Variants in P3H2 observed in about 807,000 individuals in gnomAD.
P3H2 encodes leprecan-like 1.
A neutral mutation model predicts 87.0 loss-of-function variants in P3H2; 80 were observed. The observed-to-expected ratio is 0.92, with a 90% confidence interval of 0.77 to 1.11. The LOEUF is 1.11. Ranked by LOEUF, P3H2 falls within the 50% of genes least tolerant of loss-of-function variation. P3H2 has a pLI of 0.00. For missense variants in P3H2, 1,001 were observed against 923.9 expected, an observed-to-expected ratio of 1.08 and a Z score of -1.08; for synonymous variants, 367 against 359.3, an observed-to-expected ratio of 1.02 and a Z score of -0.24.
At chr3:189,960,085 C>T (rs1271577859) in intron 14 of P3H2, among the ~76,000 whole-genome samples, 2 of 152,168 alleles carry the variant, frequency 1.3e-5, no homozygotes, top group Non-Finnish European at 2.9e-5. Context: ...TGACTCCAAA[C>T]ATCTTATTGT....
chr3:189,964,524 G>A (rs934317443), intron 13 of P3H2, among the ~76,000 whole-genome samples: 2 of 152,234 alleles, frequency 1.3e-5, no homozygotes, highest in African/African-American at 4.8e-5. Context: ...TGCAGTGCTG[G>A]AAAAGTTGTT....
chr3:190,066,158 T>TATATACACACACAC (rs1256956930), intron 1 of P3H2, among the ~76,000 whole-genome samples: 30 of 134,590 alleles, frequency 2.2e-4, no homozygotes, highest in African/African-American at 9.3e-4. Flanking sequence ...TATATATATA[T>TATATACACACACAC]ACACACACAC....
chr3:190,007,136 T>C (rs1406652911), intron 1 of P3H2, among the ~76,000 whole-genome samples: 1 of 152,204 alleles, frequency 6.6e-6, no homozygotes, highest in Non-Finnish European at 1.5e-5. Context: ...TGGAGGCCTA[T>C]GATAAACTTT....
chr3:190,085,408 A>G (rs1473497695), intron 1 of P3H2, among the ~76,000 whole-genome samples: 2 of 152,244 alleles, frequency 1.3e-5, no homozygotes, highest in Non-Finnish European at 2.9e-5. Flanking sequence ...GATTAAATAT[A>G]TAAACTTCTG....
Position 190,017,308 on chromosome 3 carries a change from G to A in P3H2, c.481-21866C>T, listed in dbSNP as rs1724786856. Among the ~76,000 whole-genome samples the A allele has an allele frequency of 2.0e-5, 3 of 152,130 alleles. No individual in the cohort carries two copies. The East Asian group carries it at 5.8e-4, about 29-fold the overall frequency. On this transcript the variant is annotated intron_variant, in intron 1 of 14. Transcript: ENST00000319332. The stretch of plus-strand genomic sequence containing the variant: ...ATTCTATTTAGTAATATAAATTTAA[G>A]CCACCTCAGCTGCTCTCTCAGGGAA...
At chr3:190,080,406 C>G (rs1231517666) in intron 1 of P3H2, among the ~76,000 whole-genome samples, 1 of 151,490 alleles carries the variant, frequency 6.6e-6, no homozygotes, top group Admixed American at 6.6e-5. Context: ...TTTTCTTTTC[C>G]TTTTTTTTGA....
chr3:190,030,018 A>G lies in P3H2; in HGVS notation c.481-34576T>C, dbSNP rs1725204669. Among the ~76,000 whole-genome samples, 8 of 152,066 alleles carry G rather than the reference A, an allele frequency of 5.3e-5. No individual in the cohort carries two copies. The South Asian group carries it at 1.7e-3, about 32-fold the overall frequency. On this transcript the variant is annotated intron_variant, in intron 1 of 14. Transcript: ENST00000319332. ...ACTCCGTCTCAAAAAAAAAAAGAAA[A>G]AAAAAGAAAAAAAGATAATGTGCTG...
intron 1 of P3H2, among the ~76,000 whole-genome samples, chr3:190,092,460 C>A (rs1251304290): frequency 6.6e-6 from 1 of 152,136 alleles, no homozygotes; most frequent in Non-Finnish European, 1.5e-5. Context: ...GTGCTTAAGG[C>A]AAGGAACGAA....
intron 14 of P3H2, among the ~76,000 whole-genome samples, chr3:189,958,570 G>C (rs1050175969): frequency 2.6e-5 from 4 of 151,910 alleles, no homozygotes; most frequent in Non-Finnish European, 5.9e-5. Context: ...GGAGGGTGGT[G>C]CTGCCCTGTG....
chr3:190,016,060 T>C lies in P3H2; in HGVS notation c.481-20618A>G, dbSNP rs138090044. On this transcript the variant is annotated intron_variant, in intron 1 of 14. Coordinates refer to ENST00000319332, the MANE Select transcript of P3H2 (RefSeq NM_018192.4). Reference sequence around the variant, plus strand: ...TAAATGTCCTTGCTCTTTAGCTTGCTGTTTTGCCTCTTTATTATCTGTGGC... The same window carrying C: ...TAAATGTCCTTGCTCTTTAGCTTGCCGTTTTGCCTCTTTATTATCTGTGGC... 2.6e-3 allele frequency among the ~76,000 whole-genome samples: 396 copies of C among 152,354 alleles called. 2 individuals carry two copies. The highest frequency in any genetic ancestry group is 8.8e-3 in the African/African-American group (367 of 41,584).
chr3:190,077,310 AG>A (rs1000996542), intron 1 of P3H2, among the ~76,000 whole-genome samples: 2 of 152,200 alleles, frequency 1.3e-5, no homozygotes, highest in African/African-American at 4.8e-5. Context: ...TCTTGTCTTC[AG>A]TCCAGACAAA....
chr3:190,023,128 AAT>A (rs113609818), intron 1 of P3H2, among the ~76,000 whole-genome samples: 5 of 152,148 alleles, frequency 3.3e-5, no homozygotes, highest in African/African-American at 9.6e-5. Context: ...GCCCAGCCAA[AAT>A]ATATACATAT....
intron 1 of P3H2, among the ~76,000 whole-genome samples, chr3:190,047,818 G>T (rs1511621): frequency 0.59 from 89,762 of 152,046 alleles, 27,898 homozygotes; most frequent in Admixed American, 0.72. Context: ...TGGTTAATGG[G>T]TATAAAAATA....
chr3:190,049,725 G>C (rs1725915310), intron 1 of P3H2, among the ~76,000 whole-genome samples: 1 of 152,158 alleles, frequency 6.6e-6, no homozygotes, highest in Non-Finnish European at 1.5e-5. Context: ...AGATGTATGT[G>C]TGTGAATTTA....
At chr3:190,079,166 C>A (rs1251989723) in intron 1 of P3H2, among the ~76,000 whole-genome samples, 1 of 151,900 alleles carries the variant, frequency 6.6e-6, no homozygotes, top group Non-Finnish European at 1.5e-5. Flanking sequence ...CATGGTGAAA[C>A]CCTGTCTCTA....
chr3:190,056,886 C>A (rs1726178123), intron 1 of P3H2, among the ~76,000 whole-genome samples: 1 of 152,200 alleles, frequency 6.6e-6, no homozygotes, highest in Admixed American at 6.5e-5. Flanking sequence ...CTGTGTTTTA[C>A]AAAGAATATG....
At chr3:190,112,281 A>C (rs1242505932) in intron 1 of P3H2, among the ~76,000 whole-genome samples, 3 of 152,226 alleles carry the variant, frequency 2.0e-5, no homozygotes, top group Non-Finnish European at 4.4e-5. Flanking sequence ...TCCCATCCAT[A>C]AAATGCAATG....
In P3H2 at chr3:190,120,417, A is replaced by T; in HGVS notation, c.315T>A (p.Ala105=). 6.7e-7 allele frequency: 1 copy of T among 1,495,820 alleles called. No homozygotes were observed. Among genetic ancestry groups the T allele is most frequent in the African/African-American group, 1.4e-5 (1 of 69,790 alleles). The allele number at this position is 1,495,820 out of a possible 1,614,324, so 92.7% of individuals were successfully genotyped here. ...ACAAGGAGCGGAAAAGGGGCAGCTC[A>T]GCGCCGGGGCCCTCGCCGGGGGGCG... ...PPPPPGEGPG[A]ELPLFRSLLG... is the part of the protein sequence containing the mutation. The change falls in exon 1 of 15, where the codon GCT becomes GCA. Residue 105 remains alanine (A), a synonymous_variant. Transcript: ENST00000319332.
At chr3:190,087,047 C>T (rs755199585) in intron 1 of P3H2, among the ~76,000 whole-genome samples, 60 of 152,182 alleles carry the variant, frequency 3.9e-4, no homozygotes, top group Admixed American at 8.5e-4. Context: ...AAAATCCATG[C>T]TATTTTCTCC....
Sources: gnomAD v4.1 joint callset for allele counts (sites outside exome capture counted in the v4.1 genomes callset) on GRCh38, gnomAD v4.1.1 for gene constraint, MANE v1.5 for transcripts, NCBI Gene and HGNC (gene_info 2026-07-23, HGNC 2026-07-21) for gene names.